Variants in TBC1D8 observed in about 807,000 individuals in gnomAD.
The protein encoded by TBC1D8 is TBC1 domain family member 8.
TBC1D8 carries 65 observed loss-of-function variants against 118.8 expected under a neutral mutation model. The ratio of observed to expected loss-of-function variants is 0.55; its 90% confidence interval spans 0.45 to 0.67. The LOEUF is 0.67. Ranked by LOEUF, TBC1D8 falls within the 30% of genes least tolerant of loss-of-function variation. The pLI, the probability that TBC1D8 is intolerant of heterozygous loss-of-function variation, is 0.00. For synonymous variants in TBC1D8, 566 were observed against 595.8 expected (o/e 0.95, Z 0.73); for missense variants, 1,376 against 1,471.2 (o/e 0.94, Z 1.06).
Position 101,050,388 on chromosome 2 carries a change from C to A in TBC1D8, c.872+13G>T. 3.1e-6 allele frequency: 5 copies of A among 1,611,254 alleles called. No individual in the cohort carries two copies. The South Asian group carries it at 5.5e-5, about 18-fold the overall frequency. On this transcript the variant is annotated intron_variant, in intron 5 of 19. Coordinates refer to ENST00000409318, the MANE Select transcript of TBC1D8 (RefSeq NM_001330348.2). ...CGTGCGGGTGGGAGACACTCTAGAACAGTCACTTTCACCTCTTGGTGATCT... is the reference window on the plus strand; with the variant it reads ...CGTGCGGGTGGGAGACACTCTAGAAAAGTCACTTTCACCTCTTGGTGATCT...
chr2:101,138,074 G>A (rs1475049066), intron 1 of TBC1D8, among the ~76,000 whole-genome samples: 2 of 152,166 alleles, frequency 1.3e-5, no homozygotes, highest in African/African-American at 2.4e-5. Context: ...CGGAGCAGGA[G>A]GAAGAGGGAG....
chr2:101,011,246 C>G, intron 18 of TBC1D8: 1 of 689,000 alleles, frequency 1.5e-6, no homozygotes, highest in Non-Finnish European at 2.4e-6. Context: ...GAGGAAGGAA[C>G]TTGGTGGTGG....
At chr2:101,009,399 C>CT (rs1679009482) in intron 19 of TBC1D8, among the ~76,000 whole-genome samples, 2 of 131,894 alleles carry the variant, frequency 1.5e-5, no homozygotes, top group Non-Finnish European at 3.2e-5. Flanking sequence ...GAGTGAGACT[C>CT]TGTCTCCAAA....
intron 17 of TBC1D8, among the ~76,000 whole-genome samples, chr2:101,013,196 C>T (rs1196435520): frequency 6.6e-6 from 1 of 152,156 alleles, no homozygotes; most frequent in Non-Finnish European, 1.5e-5. Context: ...AGCAGAGCCT[C>T]CCAACCTCTG....
Position 101,028,098 on chromosome 2 carries a change from G to A in TBC1D8, c.2401C>T (p.His801Tyr), listed in dbSNP as rs748938703. 1 of 1,613,972 alleles carries A rather than the reference G, an allele frequency of 6.2e-7. No individual in the cohort carries two copies. The highest frequency in any genetic ancestry group is 2.2e-5 in the East Asian group (1 of 44,870). ...TGGCCTTGGAGGACCCTGATCCTGT[G>A]CTTGTAACGTAGGTGCTCGATCTGC... ...VEQIEHLRYK[H>Y]RIRVLQGHED... Residue 801 changes from histidine (H) to tyrosine (Y), a missense_variant, in exon 14 of 20, where the codon CAC becomes TAC. Transcript: ENST00000409318.
intron 19 of TBC1D8, among the ~76,000 whole-genome samples, chr2:101,008,839 C>T (rs887695397): frequency 6.3e-4 from 95 of 151,596 alleles, no homozygotes; most frequent in African/African-American, 1.6e-3. Flanking sequence ...ACCACAGCAA[C>T]GTACAGATTT....
At chr2:101,063,755 T>C (rs1418276205) in intron 2 of TBC1D8, among the ~76,000 whole-genome samples, 1 of 151,756 alleles carries the variant, frequency 6.6e-6, no homozygotes, top group East Asian at 1.9e-4. Context: ...TGAAAATACC[T>C]TTTTTCAAAA....
At chr2:101,065,546 C>G (rs1317074618) in intron 2 of TBC1D8, among the ~76,000 whole-genome samples, 3 of 152,204 alleles carry the variant, frequency 2.0e-5, no homozygotes, top group African/African-American at 7.2e-5. Flanking sequence ...ACTGTAACAT[C>G]TAATCTGTAA....
At position 101,067,552 on chromosome 2, in the gene TBC1D8, G is replaced by A. The variant is rs185879924; in HGVS notation, c.284-8013C>T. 2.9e-4 allele frequency among the ~76,000 whole-genome samples: 44 copies of A among 152,346 alleles called. No individual in the cohort carries two copies. The East Asian group carries it at 6.2e-3, about 21-fold the overall frequency. On this transcript the variant is annotated intron_variant, in intron 2 of 19. Coordinates refer to ENST00000409318, the MANE Select transcript of TBC1D8 (RefSeq NM_001330348.2). ...ACAGTATGCTGTTAGTCTATTAAGT[G>A]TGCGAAAGCATTACGTCTTCTAAAA...
chr2:101,013,422 G>A (rs1404441039), intron 17 of TBC1D8, among the ~76,000 whole-genome samples: 1 of 152,126 alleles, frequency 6.6e-6, no homozygotes, highest in Admixed American at 6.6e-5. Context: ...CTATATATAT[G>A]TAGCCTGTAA....
intron 2 of TBC1D8, among the ~76,000 whole-genome samples, chr2:101,077,922 C>A (rs918017463): frequency 3.3e-5 from 5 of 152,164 alleles, no homozygotes; most frequent in Non-Finnish European, 5.9e-5. Flanking sequence ...CTGCAGATAA[C>A]AACACTCTTA....
intron 1 of TBC1D8, among the ~76,000 whole-genome samples, chr2:101,141,768 G>A (rs1679108595): frequency 6.8e-6 from 1 of 147,552 alleles, no homozygotes; most frequent in Non-Finnish European, 1.5e-5. Context: ...ACATACAATT[G>A]AAAAAGAATA....
chr2:101,081,797 G>A (rs543481078), intron 2 of TBC1D8, among the ~76,000 whole-genome samples: 1 of 152,302 alleles, frequency 6.6e-6, no homozygotes, highest in African/African-American at 2.4e-5. Context: ...TCTGCTTCCT[G>A]AAAACTGGGC....
chr2:101,119,371 C>CT (rs5832950), intron 1 of TBC1D8, among the ~76,000 whole-genome samples: 100,400 of 151,476 alleles, frequency 0.66, 33,594 homozygotes, highest in East Asian at 0.78. Context: ...TGGTACCCAC[C>CT]CCCTTCTGAC....
intron 1 of TBC1D8, among the ~76,000 whole-genome samples, chr2:101,119,112 C>T (rs899099763): frequency 6.6e-6 from 1 of 152,170 alleles, no homozygotes; most frequent in Non-Finnish European, 1.5e-5. Flanking sequence ...CATAGCATTT[C>T]TACACACCAA....
intron 2 of TBC1D8, 56 bp from the exon 3 acceptor site, chr2:101,059,595 T>G (rs1247437263): frequency 1.4e-6 from 2 of 1,396,880 alleles, no homozygotes; most frequent in Non-Finnish European, 2.0e-6. Context: ...AAGTAATTCC[T>G]AGAACGTTAA....
intron 16 of TBC1D8, 54 bp from the exon 17 acceptor site, chr2:101,021,800 C>G: frequency 8.4e-7 from 1 of 1,187,156 alleles, no homozygotes; most frequent in Non-Finnish European, 1.2e-6. Flanking sequence ...GTCCATTTGT[C>G]AGGACACAAA....
chr2:101,117,740 AT>A (rs577356601), intron 1 of TBC1D8, among the ~76,000 whole-genome samples: 1 of 150,890 alleles, frequency 6.6e-6, no homozygotes, highest in Non-Finnish European at 1.5e-5. Flanking sequence ...TGCCTGGCTA[AT>A]TTTTTTTGTA....
Position 101,029,539 on chromosome 2 carries a change from T to G in TBC1D8, c.2174A>C (p.Asp725Ala), listed in dbSNP as rs1231178186. Reference protein sequence around the residue: ...GLAVLEANAEDLCSSKDDGQA... With the variant: ...GLAVLEANAEALCSSKDDGQA... ...GCCATCATCCTTGCTGCTGCACAGG[T>G]CCTCAGCATTGGCCTCAAGCACAGC... Residue 725 changes from aspartate to alanine, a missense_variant, in exon 12 of 20, where the codon GAC becomes GCC. Coordinates refer to ENST00000409318, the MANE Select transcript of TBC1D8 (RefSeq NM_001330348.2). 4.3e-6 allele frequency: 7 copies of G among 1,613,918 alleles called. No homozygotes were observed. Among genetic ancestry groups the G allele is most frequent in the Non-Finnish European group, 5.9e-6 (7 of 1,179,878 alleles).
Sources: gnomAD v4.1 joint callset for allele counts (sites outside exome capture counted in the v4.1 genomes callset) on GRCh38, gnomAD v4.1.1 for gene constraint, MANE v1.5 for transcripts, NCBI Gene and HGNC (gene_info 2026-07-23, HGNC 2026-07-21) for gene names.